Variants in CNTN5 observed in about 807,000 individuals in gnomAD.
CNTN5 encodes the protein contactin 5, also known as contactin-5.
A neutral mutation model predicts 129.1 loss-of-function variants in CNTN5; 77 were observed. The observed-to-expected ratio is 0.60, with a 90% CI of 0.50 to 0.72. The LOEUF (loss-of-function observed/expected upper bound fraction) is 0.72. Among genes scored for constraint, CNTN5 ranks in the 30% least tolerant of loss-of-function variants. The pLI is 0.00. For missense variants in CNTN5, 1,478 were observed against 1,328.8 expected (o/e 1.11, Z -1.75); for synonymous variants, 509 against 465.6 (o/e 1.09, Z -1.20).
At chr11:99,293,936 C>T (rs1468435104) in intron 1 of CNTN5, among the ~76,000 whole-genome samples, 1 of 151,448 alleles carries the variant, frequency 6.6e-6, no homozygotes. Context: ...TTTCTCATTT[C>T]TTTCCTTCTA....
At chr11:99,921,043 C>T (rs1949926232) in intron 7 of CNTN5, among the ~76,000 whole-genome samples, 1 of 152,090 alleles carries the variant, frequency 6.6e-6, no homozygotes, top group African/African-American at 2.4e-5. Context: ...CATCTGCAAA[C>T]CAGAAAGAAA....
chr11:99,510,313 A>G (rs1029564823), intron 2 of CNTN5, among the ~76,000 whole-genome samples: 13 of 152,264 alleles, frequency 8.5e-5, no homozygotes, highest in Admixed American at 3.3e-4. Context: ...GTGGGAAAAA[A>G]AGAGACTCTC....
At chr11:99,493,654 T>C (rs1946118714) in intron 2 of CNTN5, among the ~76,000 whole-genome samples, 1 of 152,040 alleles carries the variant, frequency 6.6e-6, no homozygotes, top group African/African-American at 2.4e-5. Context: ...ATGAGTAAAA[T>C]TAAATGTTAA....
intron 2 of CNTN5, among the ~76,000 whole-genome samples, chr11:99,456,491 T>C (rs1445885235): frequency 6.6e-6 from 1 of 152,148 alleles, no homozygotes; most frequent in Non-Finnish European, 1.5e-5. Context: ...TTATGTGCAG[T>C]GTTATCTAAA....
chr11:99,035,068 A>T (rs1052543541), intron 1 of CNTN5, among the ~76,000 whole-genome samples: 1 of 150,082 alleles, frequency 6.7e-6, no homozygotes, highest in African/African-American at 2.5e-5. Context: ...GTTTCCATGT[A>T]GTTGAGCGGT....
chr11:99,147,364 C>A (rs1007434073), intron 1 of CNTN5, among the ~76,000 whole-genome samples: 14 of 151,968 alleles, frequency 9.2e-5, no homozygotes, highest in African/African-American at 2.9e-4. Context: ...ATGGAATATC[C>A]AAATATAAAA....
chr11:100,111,122 A>G (rs1945645485), intron 13 of CNTN5, among the ~76,000 whole-genome samples: 1 of 152,136 alleles, frequency 6.6e-6, no homozygotes, highest in Admixed American at 6.5e-5. Flanking sequence ...GATTTAAGGT[A>G]GAACCTGTTC....
chr11:99,144,928 G>A (rs1859703826), intron 1 of CNTN5, among the ~76,000 whole-genome samples: 1 of 151,514 alleles, frequency 6.6e-6, no homozygotes, highest in Non-Finnish European at 1.5e-5. Context: ...CTTGGATTTT[G>A]GCACTGGAGA....
At chr11:100,021,439 G>A (rs1941141309) in intron 9 of CNTN5, among the ~76,000 whole-genome samples, 1 of 151,806 alleles carries the variant, frequency 6.6e-6, no homozygotes, top group Non-Finnish European at 1.5e-5. Flanking sequence ...TTGTAGATCT[G>A]TCTGATTCTC....
chr11:99,707,753 T>C, intron 3 of CNTN5, among the ~76,000 whole-genome samples: 1 of 151,694 alleles, frequency 6.6e-6, no homozygotes, highest in Admixed American at 6.6e-5. Context: ...AGAAAACATT[T>C]ATTCTCCTTG....
chr11:99,312,813 A>AT (rs5793983), intron 1 of CNTN5, among the ~76,000 whole-genome samples: 108,838 of 148,638 alleles, frequency 0.73, 40,327 homozygotes, highest in African/African-American at 0.84. Context: ...AAATTAAGTG[A>AT]TTTTTTTTTT....
intron 2 of CNTN5, among the ~76,000 whole-genome samples, chr11:99,513,825 T>G (rs1356901617): frequency 6.6e-6 from 1 of 152,070 alleles, no homozygotes; most frequent in Non-Finnish European, 1.5e-5. Flanking sequence ...AGGAGAGTAA[T>G]GTTATTTTTA....
intron 2 of CNTN5, among the ~76,000 whole-genome samples, chr11:99,483,450 T>A (rs1565220819): frequency 6.6e-6 from 1 of 152,042 alleles, no homozygotes; most frequent in African/African-American, 2.4e-5. Flanking sequence ...TAGAAGAAGG[T>A]CCTATACCAG....
chr11:99,891,331 TTTTA>T (rs2135907909), intron 6 of CNTN5, among the ~76,000 whole-genome samples: 1 of 150,682 alleles, frequency 6.6e-6, no homozygotes, highest in African/African-American at 2.4e-5. Context: ...CCCAATATCT[TTTTA>T]TTATTATTAT....
intron 4 of CNTN5, among the ~76,000 whole-genome samples, chr11:99,833,758 A>T (rs145650561): frequency 6.6e-6 from 1 of 152,274 alleles, no homozygotes; most frequent in East Asian, 1.9e-4. Flanking sequence ...GAACTTGATC[A>T]TCCTGTTCAA....
At chr11:99,977,546 A>G (rs1017791126) in intron 8 of CNTN5, among the ~76,000 whole-genome samples, 4 of 152,244 alleles carry the variant, frequency 2.6e-5, no homozygotes, top group African/African-American at 9.6e-5. Context: ...ACTTACAATC[A>G]TGGCAGAATG....
intron 1 of CNTN5, among the ~76,000 whole-genome samples, chr11:99,286,040 GAA>G (rs1555101324): frequency 6.5e-5 from 6 of 93,020 alleles, no homozygotes; most frequent in East Asian, 4.2e-4. Context: ...TCCATCTGGA[GAA>G]AAAAAAAAAA....
intron 6 of CNTN5, among the ~76,000 whole-genome samples, chr11:99,891,924 T>A (rs1441066450): frequency 1.3e-5 from 2 of 152,156 alleles, no homozygotes; most frequent in Admixed American, 1.3e-4. Flanking sequence ...CCACAATGGT[T>A]GAACTAATTT....
At chr11:100,035,218 T>C (rs933352608) in intron 9 of CNTN5, among the ~76,000 whole-genome samples, 64 of 140,104 alleles carry the variant, frequency 4.6e-4, no homozygotes, top group Non-Finnish European at 8.8e-4. Flanking sequence ...AGAACATGTG[T>C]GTTTGGGTTT....
Sources: gnomAD v4.1 joint callset for allele counts (sites outside exome capture counted in the v4.1 genomes callset) on GRCh38, gnomAD v4.1.1 for gene constraint, MANE v1.5 for transcripts, NCBI Gene and HGNC (gene_info 2026-07-23, HGNC 2026-07-21) for gene names.